TMEM120B: variants seen among roughly 807,000 people sequenced by gnomAD.
TMEM120B encodes transmembrane protein 120B.
TMEM120B carries 31 observed loss-of-function variants against 55.5 expected under a neutral mutation model. The observed-to-expected ratio is 0.56, with a 90% CI of 0.42 to 0.75. The LOEUF is 0.75. Among genes scored for constraint, TMEM120B ranks in the 30% least tolerant of loss-of-function variants. TMEM120B has a pLI of 0.00. For missense variants in TMEM120B, 399 were observed against 425.5 expected, an observed-to-expected ratio of 0.94 and a Z score of 0.55; for synonymous variants, 203 against 176.3, an observed-to-expected ratio of 1.15 and a Z score of -1.20.
In TMEM120B at chr12:121,779,438, CAATCGG is replaced by C. The variant is rs1416805828; in HGVS notation, c.*3717_*3722del. 2.5e-5 allele frequency: 39 copies of C among 1,577,580 alleles called. No individual in the cohort carries two copies. The highest frequency in any genetic ancestry group is 3.1e-5 in the Non-Finnish European group (36 of 1,162,144). On this transcript the variant is annotated 3_prime_UTR_variant, in exon 12 of 12. Coordinates refer to ENST00000449592, the MANE Select transcript of TMEM120B (RefSeq NM_001080825.2). ...TCGGGATGGGGCAGCCTCCCTGGTG[CAATCGG>C]CACCTGGGCCCCCGGGCCCTGTCAG...
rs1044313377 is a variant in TMEM120B at position 121,779,882 on chromosome 12, C to T, written c.*4160C>T. 87 of 550,986 alleles carry T rather than the reference C, an allele frequency of 1.6e-4. No individual in the cohort carries two copies. The Middle Eastern group carries it at 2.1e-3, about 13-fold the overall frequency. 34.1% of individuals were successfully genotyped at this position (550,986 alleles called of 1,614,324 possible). A position where few individuals can be genotyped will look rare whatever the true frequency, so the allele number is the denominator to read the frequency against. Reference sequence around the variant, plus strand: ...TTGGAAGAAGCCCTGTCCAGGCCCCCACCCTGGCCTCTCTCCAGCTCCGGG... The same window carrying T: ...TTGGAAGAAGCCCTGTCCAGGCCCCTACCCTGGCCTCTCTCCAGCTCCGGG... On this transcript the variant is annotated 3_prime_UTR_variant, in exon 12 of 12. Coordinates refer to ENST00000449592, the MANE Select transcript of TMEM120B (RefSeq NM_001080825.2).
intron 1 of TMEM120B, among the ~76,000 whole-genome samples, chr12:121,735,496 T>A (rs1460733486): frequency 1.3e-5 from 2 of 151,214 alleles, no homozygotes; most frequent in South Asian, 2.1e-4. Context: ...CGTCCTGGGA[T>A]CAAGTAATTC....
At chr12:121,758,046 G>A in intron 5 of TMEM120B, 1 of 455,044 alleles carries the variant, frequency 2.2e-6, no homozygotes, top group Non-Finnish European at 2.9e-6. Context: ...TTGAGCCCAG[G>A]AGATTAAGGC....
At chr12:121,719,977 G>C (rs532940557) in intron 1 of TMEM120B, among the ~76,000 whole-genome samples, 14 of 152,274 alleles carry the variant, frequency 9.2e-5, no homozygotes, top group African/African-American at 3.1e-4. Context: ...TGGGATTATA[G>C]GCATGAGCCA....
chr12:121,713,260 C>T (rs774196208), intron 1 of TMEM120B, among the ~76,000 whole-genome samples: 25 of 152,338 alleles, frequency 1.6e-4, no homozygotes, highest in Non-Finnish European at 3.2e-4. Context: ...AGGCAAGTTC[C>T]AGGCGTGTTC....
chr12:121,773,071 T>G (rs945318407), intron 8 of TMEM120B, among the ~76,000 whole-genome samples: 6 of 152,248 alleles, frequency 3.9e-5, no homozygotes, highest in African/African-American at 1.4e-4. Flanking sequence ...TCTTGTGTCT[T>G]AGCATTGCAC....
chr12:121,757,656 A>G (rs1873524391), intron 5 of TMEM120B, among the ~76,000 whole-genome samples: 1 of 152,058 alleles, frequency 6.6e-6, no homozygotes, highest in Non-Finnish European at 1.5e-5. Flanking sequence ...AGCTGGGACT[A>G]CAGGTGCCCG....
intron 1 of TMEM120B, among the ~76,000 whole-genome samples, chr12:121,725,573 TCAAAACAACC>T (rs539608305): frequency 9.7e-4 from 147 of 151,954 alleles, no homozygotes; most frequent in African/African-American, 2.8e-3. Flanking sequence ...AACCAAAAAG[TCAAAACAACC>T]CAAACAACTG....
Position 121,775,193 on chromosome 12 carries a change from G to T in TMEM120B, c.906+63G>T. On this transcript the variant is annotated intron_variant, in intron 11 of 11. Coordinates refer to ENST00000449592, the MANE Select transcript of TMEM120B (RefSeq NM_001080825.2). This position sits in a 1 kb window ranked among gnomAD's most constrained non-coding sequence, Gnocchi z 4.3. ...GGAGGGCTGGGGTGGCAGGGATGGG[G>T]TGTATGTGTGGCATGCTGGGGTGCG... The T allele has an allele frequency of 6.9e-7, 1 of 1,440,784 alleles. No homozygotes were observed. The allele number at this position is 1,440,784 out of a possible 1,614,324, so 89.2% of individuals were successfully genotyped here. A position where few individuals can be genotyped will look rare whatever the true frequency, so the allele number is the denominator to read the frequency against.
intron 1 of TMEM120B, among the ~76,000 whole-genome samples, chr12:121,724,852 C>T (rs528970724): frequency 1.3e-5 from 2 of 151,998 alleles, no homozygotes; most frequent in Non-Finnish European, 2.9e-5. Flanking sequence ...CTTTGTGATC[C>T]ACCCGCCTTG....
rs535628327 is a variant in TMEM120B at position 121,743,692 on chromosome 12, A to G, written c.133A>G (p.Ser45Gly). The change falls in exon 2 of 12, where the codon AGT (serine) becomes GGT (glycine). Residue 45 changes from serine (S) to glycine (G), a missense_variant. This residue lies in a region of TMEM120B where 133 missense variants were observed against 104.1 expected (regional missense o/e 1.28). Coordinates refer to ENST00000449592, the MANE Select transcript of TMEM120B (RefSeq NM_001080825.2). ...ELAALQTLCSSSISKQKKHLK... is the reference protein window; with the variant it reads ...ELAALQTLCSGSISKQKKHLK... Reference sequence around the variant, plus strand: ...GGCTGCGCTGCAGACGCTGTGTAGCAGTTCCATCAGTAAGCAGAAGAAGCA... The same window carrying G: ...GGCTGCGCTGCAGACGCTGTGTAGCGGTTCCATCAGTAAGCAGAAGAAGCA... The G allele has an allele frequency of 1.1e-4, 180 of 1,613,698 alleles. No individual in the cohort carries two copies. The South Asian group carries it at 2.0e-3, about 18-fold the overall frequency.
chr12:121,713,376 C>T (rs897425854), intron 1 of TMEM120B, among the ~76,000 whole-genome samples: 2 of 152,184 alleles, frequency 1.3e-5, no homozygotes, highest in African/African-American at 4.8e-5. Context: ...TCAGCTCCCA[C>T]CCCGTGCTCT....
At chr12:121,726,597 A>AAAT (rs1592925625) in intron 1 of TMEM120B, among the ~76,000 whole-genome samples, 1 of 149,788 alleles carries the variant, frequency 6.7e-6, no homozygotes, top group East Asian at 2.0e-4. Flanking sequence ...AAATAAAATA[A>AAAT]AATAATAATA....
In TMEM120B at chr12:121,752,097, G is replaced by C. The variant is rs1317671162; in HGVS notation, c.366-31G>C. ...AGGTGCTGGAATAGTCATGGTAAGGGGCACACCCCTGGGCGTGTCTGTCGT... is the reference window on the plus strand; with the variant it reads ...AGGTGCTGGAATAGTCATGGTAAGGCGCACACCCCTGGGCGTGTCTGTCGT... On this transcript the variant is annotated intron_variant, in intron 4 of 11. Transcript: ENST00000449592. 4.4e-6 allele frequency: 7 copies of C among 1,585,772 alleles called. No individual in the cohort carries two copies. The African/African-American group carries it at 9.4e-5, about 21-fold the overall frequency.
At chr12:121,742,081 C>T (rs1427717315) in intron 1 of TMEM120B, among the ~76,000 whole-genome samples, 1 of 151,898 alleles carries the variant, frequency 6.6e-6, no homozygotes, top group Admixed American at 6.6e-5. Context: ...CAGCTCACTG[C>T]AACCTCCGAC....
At chr12:121,756,461 A>T (rs1424211450) in intron 5 of TMEM120B, among the ~76,000 whole-genome samples, 1 of 152,196 alleles carries the variant, frequency 6.6e-6, no homozygotes, top group Non-Finnish European at 1.5e-5. Flanking sequence ...TCTTGCTATG[A>T]CCAGTCCTAG....
At chr12:121,716,946 C>T in intron 1 of TMEM120B, among the ~76,000 whole-genome samples, 1 of 152,146 alleles carries the variant, frequency 6.6e-6, no homozygotes. Flanking sequence ...TTCCCTCCTC[C>T]CCACCCCAAG....
At chr12:121,766,718 G>T (rs2137333943) in intron 6 of TMEM120B, among the ~76,000 whole-genome samples, 1 of 152,336 alleles carries the variant, frequency 6.6e-6, no homozygotes, top group South Asian at 2.1e-4. Context: ...TGGGGGTGAG[G>T]TGGTTCCCCA....
chr12:121,731,947 G>A (rs1298983398), intron 1 of TMEM120B, among the ~76,000 whole-genome samples: 3 of 152,148 alleles, frequency 2.0e-5, no homozygotes, highest in African/African-American at 4.8e-5. Context: ...GACCAGCCTG[G>A]CTAACACGGT....
Sources: allele counts gnomAD v4.1 joint callset (sites outside exome capture counted in the v4.1 genomes callset), GRCh38; gene constraint gnomAD v4.1.1; regional missense constraint gnomAD v4.1.1; non-coding constraint Gnocchi (gnomAD v3.1); transcripts MANE v1.5; gene names NCBI Gene and HGNC (gene_info 2026-07-23, HGNC 2026-07-21).